Variants in PPFIA4 observed in about 807,000 individuals in gnomAD.
PPFIA4 encodes the protein liprin-alpha-4.
PPFIA4 carries 98 observed loss-of-function variants against 145.7 expected under a neutral mutation model. The ratio of observed to expected loss-of-function variants is 0.67; its 90% confidence interval spans 0.57 to 0.80. PPFIA4 has a LOEUF of 0.80. Ranked by LOEUF, PPFIA4 falls within the 30% of genes least tolerant of loss-of-function variation. The pLI, the probability that PPFIA4 is intolerant of heterozygous loss-of-function variation, is 0.00. For missense variants in PPFIA4, 1,457 were observed against 1,632.7 expected, an observed-to-expected ratio of 0.89 and a Z score of 1.85; for synonymous variants, 628 against 649.6, an observed-to-expected ratio of 0.97 and a Z score of 0.51.
Position 203,044,290 on chromosome 1 carries a change from C to A in PPFIA4, c.502-89C>A, listed in dbSNP as rs1286885249. The stretch of plus-strand genomic sequence containing the variant: ...TAGTAGGCCCTTCACTGTCCTCATG[C>A]TCAGTGGTGGTAGACCAAGCCCAGT... On this transcript the variant is annotated intron_variant, in intron 4 of 29. Coordinates refer to ENST00000295706, the MANE Select transcript of PPFIA4 (RefSeq NM_001304331.2). 6.9e-6 allele frequency: 9 copies of A among 1,301,696 alleles called. No individual in the cohort carries two copies. The East Asian group carries it at 1.3e-4, about 18-fold the overall frequency. 80.6% of individuals were successfully genotyped at this position (1,301,696 alleles called of 1,614,324 possible).
At chr1:203,035,802 T>TAGC (rs139600380) in intron 1 of PPFIA4, among the ~76,000 whole-genome samples, 57,550 of 151,952 alleles carry the variant, frequency 0.38, 11,202 homozygotes, top group South Asian at 0.45. Context: ...TGTTTCTGTG[T>TAGC]AGCAGAGAGG....
At chr1:203,046,050 C>G in intron 8 of PPFIA4, 63 bp downstream of exon 8, 1 of 1,605,140 alleles carries the variant, frequency 6.2e-7, no homozygotes, top group Non-Finnish European at 8.5e-7. Context: ...TCCTCGTGAA[C>G]CTACTGGTGA....
At chr1:203,054,671 GACACACACAC>G (rs57027876) in intron 15 of PPFIA4, among the ~76,000 whole-genome samples, 49 of 148,416 alleles carry the variant, frequency 3.3e-4, no homozygotes, top group East Asian at 1.4e-3. Context: ...TTACAAAGAA[GACACACACAC>G]ACACACACAC....
chr1:203,027,243 GAA>G (rs1228296135), intron 1 of PPFIA4, among the ~76,000 whole-genome samples: 4 of 151,932 alleles, frequency 2.6e-5, no homozygotes, highest in East Asian at 1.9e-4. Flanking sequence ...GGCGCAACAG[GAA>G]AAGAGGGCTG....
chr1:203,073,442 G>A (rs1490027621), intron 28 of PPFIA4, among the ~76,000 whole-genome samples: 1 of 152,214 alleles, frequency 6.6e-6, no homozygotes, highest in Non-Finnish European at 1.5e-5. Flanking sequence ...GTGTGGGCTA[G>A]AGAGGAGGGT....
chr1:203,035,807 G>GC (rs10678763), intron 1 of PPFIA4, among the ~76,000 whole-genome samples: 4 of 150,874 alleles, frequency 2.7e-5, no homozygotes, highest in Non-Finnish European at 5.9e-5. Context: ...CTGTGTAGCA[G>GC]AGAGGACAGG....
At position 203,051,809 on chromosome 1, in the gene PPFIA4, G is replaced by A. The variant is rs1186409653; in HGVS notation, c.1552G>A (p.Gly518Ser). ...GSAADVRFSLGTTTHAPPGVH... is the reference protein window; with the variant it reads ...GSAADVRFSLSTTTHAPPGVH... ...TGCAGCAGACGTGCGGTTCTCCCTG[G>A]GCACAACCACACACGCACCCCCAGG... is the stretch of plus-strand genomic sequence containing the variant. The change falls in exon 14 of 30, where the codon GGC becomes AGC. Residue 518 changes from glycine to serine, a missense_variant. Gly to Ser is a moderately conservative substitution (Grantham distance 56, BLOSUM62 0). Around this residue, in one of 3 missense-constraint regions of PPFIA4, gnomAD observed 848 missense variants for 1,046.7 expected, o/e 0.81. Transcript: ENST00000295706. 6.2e-7 allele frequency: 1 copy of A among 1,613,664 alleles called. No individual in the cohort carries two copies. Among genetic ancestry groups the A allele is most frequent in the Non-Finnish European group, 8.5e-7 (1 of 1,179,838 alleles).
intron 28 of PPFIA4, among the ~76,000 whole-genome samples, chr1:203,072,180 T>C (rs767359687): frequency 2.0e-5 from 3 of 152,204 alleles, no homozygotes; most frequent in Non-Finnish European, 4.4e-5. Flanking sequence ...GATTCCAGCC[T>C]GTCCTCCAGG....
intron 27 of PPFIA4, among the ~76,000 whole-genome samples, chr1:203,070,794 T>C (rs1662100383): frequency 1.3e-5 from 2 of 152,128 alleles, no homozygotes; most frequent in Non-Finnish European, 2.9e-5. Context: ...ATCAGATATA[T>C]TTATTTAATC....
Position 203,039,261 on chromosome 1 carries a change from C to T in PPFIA4, c.234+19C>T, listed in dbSNP as rs780241131. On this transcript the variant is annotated intron_variant, in intron 2 of 29. Coordinates refer to ENST00000295706, the MANE Select transcript of PPFIA4 (RefSeq NM_001304331.2). ...CCCCCAGGTAAGGCCCGAAGGCCTG[C>T]GTCTCTCTTAACCCCTTTCCCTCCT... 1.6e-5 allele frequency: 25 copies of T among 1,536,292 alleles called. No homozygotes were observed. The highest frequency in any genetic ancestry group is 1.2e-4 in the Admixed American group (6 of 48,814).
In PPFIA4 at chr1:203,043,801, G is replaced by A. The variant is rs1659870018; in HGVS notation, c.337-130G>A. Reference sequence around the variant, plus strand: ...GCGGGAGCTCTGTGCCCATTTGGAAGTATTTCAGTGTTTTCACAGTGGGGT... The same window carrying A: ...GCGGGAGCTCTGTGCCCATTTGGAAATATTTCAGTGTTTTCACAGTGGGGT... On this transcript the variant is annotated intron_variant, in intron 3 of 29. Transcript: ENST00000295706. This position sits in a 1 kb window ranked among gnomAD's most constrained non-coding sequence, Gnocchi z 4.4. 1 of 956,612 alleles carries A rather than the reference G, an allele frequency of 1.0e-6. No individual in the cohort carries two copies. Among genetic ancestry groups the A allele is most frequent in the African/African-American group, 1.7e-5 (1 of 60,438 alleles). The allele number at this position is 956,612 out of a possible 1,614,324, so 59.3% of individuals were successfully genotyped here.
chr1:203,051,414 T>G, intron 13 of PPFIA4: 1 of 801,992 alleles, frequency 1.2e-6, no homozygotes. Context: ...GCCACGTGTG[T>G]CAGATGGCCG....
At chr1:203,039,409 C>G (rs1174872249) in intron 2 of PPFIA4, among the ~76,000 whole-genome samples, 167 bp downstream of exon 2, 1 of 152,232 alleles carries the variant, frequency 6.6e-6, no homozygotes, top group African/African-American at 2.4e-5. Context: ...CTGTCACTCC[C>G]ATGCTCCTCA....
chr1:203,056,951 G>T lies in PPFIA4; in HGVS notation c.2407+1G>T, dbSNP rs1299005899. The T allele has an allele frequency of 1.9e-6, 3 of 1,614,026 alleles. No individual in the cohort carries two copies. The highest frequency in any genetic ancestry group is 2.2e-5 in the South Asian group (2 of 91,090). ...AGTCGGGATGGAGCCACAGGCCATG[G>T]TCTCTGTCCCCTTCCTAACGGAGGT... On this transcript the variant is annotated splice_donor_variant, in intron 19 of 29. Transcript: ENST00000295706. LOFTEE classifies it high-confidence loss of function.
At chr1:203,035,048 A>G (rs1006326696) in intron 1 of PPFIA4, among the ~76,000 whole-genome samples, 1 of 152,244 alleles carries the variant, frequency 6.6e-6, no homozygotes. Context: ...TGCTGGGCAC[A>G]TGGTAAATGT....
chr1:203,047,687 G>A (rs1047246176), intron 9 of PPFIA4, among the ~76,000 whole-genome samples: 6 of 152,288 alleles, frequency 3.9e-5, no homozygotes, highest in Admixed American at 6.5e-5. Flanking sequence ...CTCAGTGTTC[G>A]CCTTGGATTA....
In PPFIA4 at chr1:203,075,479, T is replaced by C; in HGVS notation, c.3394-98T>C. 2.0e-6 allele frequency: 2 copies of C among 1,022,212 alleles called. No homozygotes were observed. The highest frequency in any genetic ancestry group is 2.6e-6 in the Non-Finnish European group (2 of 778,004). The allele number at this position is 1,022,212 out of a possible 1,614,324, so 63.3% of individuals were successfully genotyped here. ...CCTCTTTCCAAAGGGGTGGGAGTGGTGCCCCTTGAACCAGCAGCGACTGGC... is the reference window on the plus strand; with the variant it reads ...CCTCTTTCCAAAGGGGTGGGAGTGGCGCCCCTTGAACCAGCAGCGACTGGC... On this transcript the variant is annotated intron_variant, in intron 28 of 29. Coordinates refer to ENST00000295706, the MANE Select transcript of PPFIA4 (RefSeq NM_001304331.2). This position sits in a 1 kb window ranked among gnomAD's most constrained non-coding sequence, Gnocchi z 4.1.
At chr1:203,062,503 A>AAC (rs1661452714) in intron 24 of PPFIA4, among the ~76,000 whole-genome samples, 1 of 149,858 alleles carries the variant, frequency 6.7e-6, no homozygotes. Flanking sequence ...AAAAAAAAAA[A>AAC]AAAGATAGTC....
At chr1:203,072,165 A>C (rs953518877) in intron 28 of PPFIA4, among the ~76,000 whole-genome samples, 1 of 152,174 alleles carries the variant, frequency 6.6e-6, no homozygotes, top group Admixed American at 6.5e-5. Flanking sequence ...CAGCTTGCTC[A>C]GTAAGATTCC....
Sources: allele counts gnomAD v4.1 joint callset (sites outside exome capture counted in the v4.1 genomes callset), GRCh38; gene constraint gnomAD v4.1.1; regional missense constraint gnomAD v4.1.1; non-coding constraint Gnocchi (gnomAD v3.1); transcripts MANE v1.5; gene names NCBI Gene and HGNC (gene_info 2026-07-23, HGNC 2026-07-21).